The following CHCHD6 variants were observed in gnomAD, a reference collection of about 807,000 sequenced individuals.
The protein encoded by CHCHD6 is coiled-coil-helix-coiled-coil-helix domain containing 6.
Under a neutral mutation model 32.3 loss-of-function variants are expected in CHCHD6, and 28 were observed. The ratio of observed to expected loss-of-function variants is 0.87; its 90% CI spans 0.64 to 1.19. The LOEUF (loss-of-function observed/expected upper bound fraction) is 1.19. Ranked by LOEUF, CHCHD6 falls within the 50% of genes most tolerant of loss-of-function variation. The pLI is 0.00. For missense variants in CHCHD6, 333 were observed against 307.0 expected (o/e 1.08, Z -0.63); for synonymous variants, 122 against 117.5 (o/e 1.04, Z -0.25).
intron 4 of CHCHD6, among the ~76,000 whole-genome samples, chr3:126,736,201 T>C (rs1936038092): frequency 6.6e-6 from 1 of 152,252 alleles, no homozygotes; most frequent in Admixed American, 6.5e-5. Flanking sequence ...GAAATTTTTC[T>C]TTCCTCTCCT....
chr3:126,915,672 A>G (rs544318857), intron 6 of CHCHD6, among the ~76,000 whole-genome samples: 5 of 152,340 alleles, frequency 3.3e-5, no homozygotes, highest in African/African-American at 1.2e-4. Flanking sequence ...ACAGGTTTGC[A>G]TGATAGTTGT....
At chr3:126,836,848 C>T (rs978646258) in intron 4 of CHCHD6, among the ~76,000 whole-genome samples, 11 of 152,310 alleles carry the variant, frequency 7.2e-5, no homozygotes, top group Admixed American at 5.2e-4. Flanking sequence ...GAAGACAGTG[C>T]GCTGAGGATG....
chr3:126,720,221 C>T (rs189841235), intron 1 of CHCHD6, among the ~76,000 whole-genome samples: 6 of 152,270 alleles, frequency 3.9e-5, no homozygotes, highest in African/African-American at 9.6e-5. Flanking sequence ...TTCCTGGTCA[C>T]GCAGCCCTTT....
At chr3:126,960,175 T>A in intron 7 of CHCHD6, 21 bp from the exon 8 acceptor site, 1 of 1,551,490 alleles carries the variant, frequency 6.4e-7, no homozygotes, top group Non-Finnish European at 8.7e-7. Context: ...CTGACTCAAC[T>A]CTGACCTGTT....
At chr3:126,766,621 C>T (rs1280516263) in intron 4 of CHCHD6, 7 of 1,074,868 alleles carry the variant, frequency 6.5e-6, no homozygotes, top group Non-Finnish European at 1.0e-5. Flanking sequence ...CCCAGTTCCC[C>T]GAAGGTCGGT....
chr3:126,868,671 A>G (rs942823884), intron 5 of CHCHD6, among the ~76,000 whole-genome samples: 2 of 152,196 alleles, frequency 1.3e-5, no homozygotes, highest in African/African-American at 2.4e-5. Context: ...GTAACCATGC[A>G]TGCCATTTGG....
chr3:126,932,976 G>T (rs918472040), intron 6 of CHCHD6, among the ~76,000 whole-genome samples: 1 of 152,168 alleles, frequency 6.6e-6, no homozygotes, highest in Non-Finnish European at 1.5e-5. Context: ...GTGGGGTGGG[G>T]TGAGGCTCTG....
chr3:126,887,806 A>C (rs1045880592), intron 5 of CHCHD6, among the ~76,000 whole-genome samples: 2 of 152,184 alleles, frequency 1.3e-5, no homozygotes, highest in Non-Finnish European at 2.9e-5. Context: ...AATGGTTCCC[A>C]CCCAGCTGGA....
At chr3:126,775,429 T>A (rs367770267) in intron 4 of CHCHD6, among the ~76,000 whole-genome samples, 1 of 152,168 alleles carries the variant, frequency 6.6e-6, no homozygotes, top group Admixed American at 6.5e-5. Flanking sequence ...GAATTTAAAA[T>A]AGAAAGTGAG....
intron 5 of CHCHD6, among the ~76,000 whole-genome samples, chr3:126,863,238 C>T (rs1247032016): frequency 7.0e-6 from 1 of 143,152 alleles, no homozygotes; most frequent in Non-Finnish European, 1.5e-5. Context: ...CCCCCTCCTC[C>T]ACCATCACCA....
At chr3:126,920,908 G>C (rs2078237031) in intron 6 of CHCHD6, among the ~76,000 whole-genome samples, 1 of 152,152 alleles carries the variant, frequency 6.6e-6, no homozygotes. Flanking sequence ...TGGACCTCAA[G>C]TCCTAGTTGC....
At chr3:126,788,615 A>G (rs1395944683) in intron 4 of CHCHD6, among the ~76,000 whole-genome samples, 2 of 152,124 alleles carry the variant, frequency 1.3e-5, no homozygotes, top group Admixed American at 6.6e-5. Context: ...ATTTGTGTAG[A>G]AGTGTTTATA....
intron 6 of CHCHD6, chr3:126,952,875 C>T (rs1229432039): frequency 2.7e-5 from 19 of 709,602 alleles, no homozygotes; most frequent in Non-Finnish European, 3.1e-5. Flanking sequence ...AGGGTGGGGG[C>T]TCTGGGAGTC....
At chr3:126,792,152 TA>T (rs1430466674) in intron 4 of CHCHD6, among the ~76,000 whole-genome samples, 2 of 151,710 alleles carry the variant, frequency 1.3e-5, no homozygotes, top group Admixed American at 6.6e-5. Flanking sequence ...ACCTTTTGGC[TA>T]TTGTGAATGA....
At position 126,740,113 on chromosome 3, in the gene CHCHD6, A is replaced by T. The variant is rs1246080605; in HGVS notation, c.411+6891A>T. 5.3e-5 allele frequency among the ~76,000 whole-genome samples: 8 copies of T among 152,186 alleles called. No individual in the cohort carries two copies. The East Asian group carries it at 1.5e-3, about 29-fold the overall frequency. On this transcript the variant is annotated intron_variant, in intron 4 of 7. Transcript: ENST00000290913. ...ATATGATATGTGAGGGTGGGATCAA[A>T]CCCATTCTGTTTGTCAGGGCTTAGG... is the stretch of plus-strand genomic sequence containing the variant.
intron 5 of CHCHD6, among the ~76,000 whole-genome samples, chr3:126,879,890 A>G (rs545144090): frequency 6.6e-6 from 1 of 152,336 alleles, no homozygotes; most frequent in Admixed American, 6.5e-5. Context: ...CTAACAAGTG[A>G]TGAATCTAGG....
chr3:126,803,952 C>T (rs1036386148), intron 4 of CHCHD6, among the ~76,000 whole-genome samples: 2 of 152,180 alleles, frequency 1.3e-5, no homozygotes, highest in Non-Finnish European at 2.9e-5. Context: ...AGAACCTGCT[C>T]CTGAATGATT....
chr3:126,931,129 G>A (rs757458416), intron 6 of CHCHD6, among the ~76,000 whole-genome samples: 30 of 152,108 alleles, frequency 2.0e-4, no homozygotes, highest in Non-Finnish European at 3.4e-4. Flanking sequence ...GGAAACATGA[G>A]GCTTTGCTTC....
chr3:126,931,649 T>C (rs919491376), intron 6 of CHCHD6, among the ~76,000 whole-genome samples: 1 of 152,202 alleles, frequency 6.6e-6, no homozygotes, highest in Admixed American at 6.5e-5. Flanking sequence ...CTCCCCTTTC[T>C]TCTTAGTGCC....
Sources: gnomAD v4.1 joint callset for allele counts (sites outside exome capture counted in the v4.1 genomes callset) on GRCh38, gnomAD v4.1.1 for gene constraint, MANE v1.5 for transcripts, NCBI Gene and HGNC (gene_info 2026-07-23, HGNC 2026-07-21) for gene names.